ROBO2: variants seen among roughly 807,000 people sequenced by gnomAD.
ROBO2 encodes the protein roundabout guidance receptor 2, also known as roundabout homolog 2.
ROBO2 carries 53 observed loss-of-function variants against 160.8 expected under a neutral mutation model. That is an observed-to-expected ratio of 0.33 (90% CI 0.26 to 0.41). The LOEUF (loss-of-function observed/expected upper bound fraction) is 0.41. ROBO2 is among the 10% of genes least tolerant of loss of function. The pLI is 1.00. For synonymous variants in ROBO2, 664 were observed against 611.7 expected (o/e 1.09, Z -1.26); for missense variants, 1,577 against 1,722.4 (o/e 0.92, Z 1.49).
At chr3:76,983,439 C>A (rs2060204372) in intron 2 of ROBO2, among the ~76,000 whole-genome samples, 1 of 151,964 alleles carries the variant, frequency 6.6e-6, no homozygotes, top group Non-Finnish European at 1.5e-5. Context: ...TTTCTCTAAA[C>A]TAAATAAAGG....
chr3:76,583,135 C>T (rs774135780), intron 2 of ROBO2, among the ~76,000 whole-genome samples: 10 of 152,056 alleles, frequency 6.6e-5, no homozygotes, highest in Non-Finnish European at 1.3e-4. Context: ...GGAGGCAAAA[C>T]ATGAATACCT....
At chr3:77,180,388 T>TTCCCTCTC (rs1553821283) in intron 2 of ROBO2, among the ~76,000 whole-genome samples, 1 of 99,426 alleles carries the variant, frequency 1.0e-5, no homozygotes, top group African/African-American at 3.3e-5. Context: ...ACCTTTTGAA[T>TTCCCTCTC]TCTCTCTCTC....
intron 2 of ROBO2, among the ~76,000 whole-genome samples, chr3:76,726,993 T>C (rs1194646297): frequency 6.6e-6 from 1 of 152,220 alleles, no homozygotes; most frequent in Non-Finnish European, 1.5e-5. Flanking sequence ...CTGGAACTGA[T>C]GTTCCCAATG....
intron 2 of ROBO2, among the ~76,000 whole-genome samples, chr3:77,399,496 C>G (rs2075599657): frequency 6.6e-6 from 1 of 152,150 alleles, no homozygotes; most frequent in Admixed American, 6.5e-5. Context: ...AATCCATGTA[C>G]TGTGGCACAC....
intron 2 of ROBO2, among the ~76,000 whole-genome samples, chr3:76,986,228 G>A (rs535926341): frequency 1.4e-4 from 21 of 152,122 alleles, no homozygotes; most frequent in African/African-American, 4.8e-4. Context: ...CGCATTGATC[G>A]ATACAATTTA....
intron 2 of ROBO2, among the ~76,000 whole-genome samples, chr3:76,316,058 A>G (rs2071994767): frequency 6.6e-6 from 1 of 152,164 alleles, no homozygotes; most frequent in Non-Finnish European, 1.5e-5. Flanking sequence ...CAGGGAGTAG[A>G]TCACATGCTT....
At chr3:77,244,448 G>A (rs946919689) in intron 2 of ROBO2, among the ~76,000 whole-genome samples, 5 of 152,182 alleles carry the variant, frequency 3.3e-5, no homozygotes, top group African/African-American at 1.2e-4. Context: ...GTCAAAGTCA[G>A]GGATCCATAA....
intron 2 of ROBO2, among the ~76,000 whole-genome samples, chr3:76,580,329 T>TTTG (rs2085595696): frequency 5.2e-5 from 3 of 57,326 alleles, no homozygotes; most frequent in Non-Finnish European, 9.2e-5. Context: ...TTTTTTTTTG[T>TTTG]TTTTTTTTTT....
chr3:76,512,623 C>T lies in ROBO2; in HGVS notation c.109+575021C>T, dbSNP rs115012738. 7.8e-3 allele frequency among the ~76,000 whole-genome samples: 1,192 copies of T among 152,140 alleles called. 16 individuals carry two copies. Among genetic ancestry groups the T allele is most frequent in the East Asian group, 0.029 (149 of 5,166 alleles). On this transcript the variant is annotated intron_variant, in intron 2 of 26. Coordinates refer to the ROBO2 transcript ENST00000487694. ...GTCAAACACCCACAGACAGCACACC[C>T]GGGTGGCAGAGGCAGTGGTGCCTTT...
chr3:76,672,537 T>C (rs918291208), intron 2 of ROBO2, among the ~76,000 whole-genome samples: 6 of 152,186 alleles, frequency 3.9e-5, no homozygotes, highest in African/African-American at 1.4e-4. Flanking sequence ...GTATAAAGTA[T>C]ATGAGAAACA....
At chr3:76,465,275 G>A (rs1318406750) in intron 2 of ROBO2, among the ~76,000 whole-genome samples, 1 of 151,942 alleles carries the variant, frequency 6.6e-6, no homozygotes, top group Non-Finnish European at 1.5e-5. Context: ...ATATGTGAAT[G>A]CATATACATG....
chr3:76,608,414 T>G (rs1003604540), intron 2 of ROBO2, among the ~76,000 whole-genome samples: 1 of 152,188 alleles, frequency 6.6e-6, no homozygotes, highest in South Asian at 2.1e-4. Flanking sequence ...GGATGAGTAT[T>G]TGCCAATCTC....
chr3:77,562,967 T>G (rs1389113269), intron 10 of ROBO2, among the ~76,000 whole-genome samples, 200 bp from the exon 12 acceptor site: 1 of 152,188 alleles, frequency 6.6e-6, no homozygotes, highest in Admixed American at 6.5e-5. Flanking sequence ...GTGTAAGGAA[T>G]TCTAATGATC....
chr3:76,340,411 A>C (rs2074153452), intron 2 of ROBO2, among the ~76,000 whole-genome samples: 1 of 152,130 alleles, frequency 6.6e-6, no homozygotes, highest in Admixed American at 6.5e-5. Flanking sequence ...TATTTTAGCC[A>C]ATCCTGGATG....
chr3:76,163,314 G>T (rs1429007149), intron 2 of ROBO2, among the ~76,000 whole-genome samples: 2 of 151,590 alleles, frequency 1.3e-5, no homozygotes, highest in Admixed American at 1.3e-4. Flanking sequence ...TTAGGTTAGA[G>T]AATTTTAACT....
chr3:77,047,920 G>A (rs990768963), intron 1 of ROBO2, among the ~76,000 whole-genome samples: 8 of 151,664 alleles, frequency 5.3e-5, no homozygotes, highest in Admixed American at 1.3e-4. Flanking sequence ...GGTGGCGGGC[G>A]CCTGTAGTCC....
chr3:77,461,022 A>C (rs2082183725), intron 2 of ROBO2, among the ~76,000 whole-genome samples: 1 of 152,174 alleles, frequency 6.6e-6, no homozygotes, highest in Admixed American at 6.5e-5. Flanking sequence ...ATACTTTTGT[A>C]CCATTTTAAA....
rs528414288 is a variant in ROBO2, at chr3:76,005,240, T to G, written c.109+67638T>G. 1.6e-4 allele frequency among the ~76,000 whole-genome samples: 24 copies of G among 152,276 alleles called. No homozygotes were observed. In the South Asian group the frequency reaches 4.4e-3, roughly 28 times the overall value. ...ATTTGAATGAATATTAGTAAGAAAT[T>G]AAACATTCACCACAATAAAAGGATC... On this transcript the variant is annotated intron_variant, in intron 2 of 26. Coordinates refer to the ROBO2 transcript ENST00000487694.
chr3:76,746,640 A>T (rs1342572452), intron 2 of ROBO2, among the ~76,000 whole-genome samples: 1 of 152,142 alleles, frequency 6.6e-6, no homozygotes. Flanking sequence ...CCAGCAGCAC[A>T]TCAAAAAGCT....
Sources: gnomAD v4.1 joint callset for allele counts (sites outside exome capture counted in the v4.1 genomes callset) on GRCh38, gnomAD v4.1.1 for gene constraint, MANE v1.5 for transcripts, NCBI Gene and HGNC (gene_info 2026-07-23, HGNC 2026-07-21) for gene names.